MPRIP: variants seen among roughly 807,000 people sequenced by gnomAD.
MPRIP encodes the protein myosin phosphatase Rho-interacting protein.
In MPRIP, 59 loss-of-function variants were observed where a neutral mutation model predicts 234.9. The ratio of observed to expected loss-of-function variants is 0.25; its 90% CI spans 0.20 to 0.31. The LOEUF (loss-of-function observed/expected upper bound fraction) is 0.31, where lower values mean the gene tolerates loss of function less well. Among genes scored for constraint, MPRIP ranks in the 10% least tolerant of loss-of-function variants. MPRIP has a pLI of 1.00. For synonymous variants in MPRIP, 1,144 were observed against 1,263.9 expected (o/e 0.91, Z 2.01); for missense variants, 2,436 against 3,071.0 (o/e 0.79, Z 4.89).
At chr17:17,177,484 G>A (rs79020862) in intron 22 of MPRIP, 72 bp downstream of exon 22, 35 of 1,517,254 alleles carry the variant, frequency 2.3e-5, no homozygotes, top group East Asian at 2.3e-4. Context: ...GAGGTTTCCC[G>A]GTGCTTGACT....
intron 16 of MPRIP, 122 bp downstream of exon 16, chr17:17,168,037 G>C: frequency 1.2e-6 from 1 of 806,952 alleles, no homozygotes; most frequent in Admixed American, 3.0e-5. Flanking sequence ...CCCTCTACTT[G>C]CTAGCCATGG....
Position 17,077,997 on chromosome 17 carries a change from G to A in MPRIP, c.202-14G>A, listed in dbSNP as rs2089374684. On this transcript the variant is annotated splice_polypyrimidine_tract_variant and intron_variant, in intron 2 of 23. Coordinates refer to ENST00000651222, the MANE Select transcript of MPRIP (RefSeq NM_001364716.4). The stretch of plus-strand genomic sequence containing the variant: ...CCAGATCCTCCTAACCACCCACCTT[G>A]TGCTCCGTTGCAGAAATGGCAGCGA... The A allele has an allele frequency of 6.2e-7, 1 of 1,614,054 alleles. No individual in the cohort carries two copies. Among genetic ancestry groups the A allele is most frequent in the South Asian group, 1.1e-5 (1 of 91,078 alleles).
chr17:17,168,778 T>C, intron 16 of MPRIP: 1 of 444,626 alleles, frequency 2.2e-6, no homozygotes, highest in South Asian at 1.6e-5. Context: ...CTAGGATGAC[T>C]AGGCCCCTCA....
At chr17:17,121,317 A>G (rs1296201145) in intron 3 of MPRIP, among the ~76,000 whole-genome samples, 9 of 152,282 alleles carry the variant, frequency 5.9e-5, no homozygotes, top group Non-Finnish European at 1.3e-4. Context: ...AAGCAGTTAT[A>G]ACACAGTGGC....
intron 1 of MPRIP, among the ~76,000 whole-genome samples, chr17:17,053,436 C>A (rs2088601811): frequency 6.6e-6 from 1 of 152,124 alleles, no homozygotes; most frequent in Non-Finnish European, 1.5e-5. Flanking sequence ...TTTGTAAATA[C>A]TGGGTTATAT....
rs1209131112 is a variant in MPRIP, at chr17:17,165,990, G to A, written c.4399G>A (p.Asp1467Asn). The change falls in exon 16 of 24, where the codon GAC becomes AAC. Residue 1467 changes from aspartate to asparagine, a missense_variant. Physicochemically the swap from Asp to Asn is conservative, Grantham distance 23. Transcript: ENST00000651222. ...RVEGHVGELG[D>N]FQVKNSQALM... Reference sequence around the variant, plus strand: ...TGAAGGGCATGTTGGAGAGCTTGGGGACTTCCAGGTCAAGAATAGTCAGGC... The same window carrying A: ...TGAAGGGCATGTTGGAGAGCTTGGGAACTTCCAGGTCAAGAATAGTCAGGC... 5 of 1,304,340 alleles carry A rather than the reference G, an allele frequency of 3.8e-6. No homozygotes were observed. Among genetic ancestry groups the A allele is most frequent in the South Asian group, 2.5e-5 (2 of 81,010 alleles). 80.8% of individuals were successfully genotyped at this position (1,304,340 alleles called of 1,614,324 possible).
chr17:17,083,995 C>T (rs1224578478), intron 3 of MPRIP, among the ~76,000 whole-genome samples: 2 of 152,234 alleles, frequency 1.3e-5, no homozygotes, highest in African/African-American at 4.8e-5. Flanking sequence ...CCCGCCTCGG[C>T]CTCCCAGAGT....
In MPRIP at chr17:17,184,804, C is replaced by A; in HGVS notation, c.7207-19C>A. The A allele has an allele frequency of 1.2e-6, 2 of 1,603,786 alleles. No homozygotes were observed. The highest frequency in any genetic ancestry group is 8.5e-7 in the Non-Finnish European group (1 of 1,171,516). ...CTAACGGTGTGTTTATTTTCTCCTC[C>A]TGCTCTGTCTCTACCCAGAGTCTGA... On this transcript the variant is annotated intron_variant, in intron 23 of 23. Transcript: ENST00000651222.
intron 4 of MPRIP, among the ~76,000 whole-genome samples, chr17:17,128,430 G>A (rs2144402267): frequency 6.6e-6 from 1 of 152,314 alleles, no homozygotes; most frequent in East Asian, 1.9e-4. Context: ...GGCAGCTTAA[G>A]TCCTGCCAGA....
chr17:17,095,601 T>A (rs1450049387), intron 3 of MPRIP, among the ~76,000 whole-genome samples: 1 of 152,128 alleles, frequency 6.6e-6, no homozygotes, highest in Non-Finnish European at 1.5e-5. Flanking sequence ...TTTCCTGCTG[T>A]TAGTCCTTCA....
At chr17:17,120,362 G>A (rs1042911932) in intron 3 of MPRIP, among the ~76,000 whole-genome samples, 5 of 152,136 alleles carry the variant, frequency 3.3e-5, no homozygotes, top group Non-Finnish European at 5.9e-5. Context: ...TGGAGAGGCT[G>A]CTATAGCAGT....
At chr17:17,076,794 T>C (rs976534902) in intron 2 of MPRIP, among the ~76,000 whole-genome samples, 12 of 152,162 alleles carry the variant, frequency 7.9e-5, no homozygotes, top group African/African-American at 2.4e-4. Context: ...TATATCAAGG[T>C]TGTACAAAAT....
At chr17:17,109,669 A>G (rs934822423) in intron 3 of MPRIP, among the ~76,000 whole-genome samples, 1 of 152,204 alleles carries the variant, frequency 6.6e-6, no homozygotes, top group African/African-American at 2.4e-5. Flanking sequence ...CCGCGAAACA[A>G]TGAGCACACC....
chr17:17,089,542 A>G (rs897057777), intron 3 of MPRIP, among the ~76,000 whole-genome samples: 1 of 151,912 alleles, frequency 6.6e-6, no homozygotes, highest in Non-Finnish European at 1.5e-5. Context: ...GTCATAGCTC[A>G]CTGCAGCCTT....
intron 12 of MPRIP, 112 bp downstream of exon 12, chr17:17,150,345 G>A: frequency 1.3e-6 from 1 of 743,916 alleles, no homozygotes; most frequent in Non-Finnish European, 2.3e-6. Flanking sequence ...CAGCGTGTAT[G>A]GTCAGCACTT....
At chr17:17,047,982 G>C (rs767751410) in intron 1 of MPRIP, among the ~76,000 whole-genome samples, 4 of 152,064 alleles carry the variant, frequency 2.6e-5, no homozygotes, top group African/African-American at 9.7e-5. Context: ...AGAGGGGTGG[G>C]CATTAGTGGG....
chr17:17,105,745 T>A (rs1660687135), intron 3 of MPRIP, among the ~76,000 whole-genome samples: 1 of 152,190 alleles, frequency 6.6e-6, no homozygotes, highest in African/African-American at 2.4e-5. Context: ...GGGGGTCTGA[T>A]TTGGGCCCTA....
At chr17:17,115,429 T>G (rs1320397496) in intron 3 of MPRIP, among the ~76,000 whole-genome samples, 1 of 152,196 alleles carries the variant, frequency 6.6e-6, no homozygotes, top group African/African-American at 2.4e-5. Flanking sequence ...CTTCCAGGCC[T>G]GGGTTGGCAG....
At chr17:17,171,471 T>G (rs2046133206) in intron 16 of MPRIP, 2 of 482,856 alleles carry the variant, frequency 4.1e-6, no homozygotes, top group Non-Finnish European at 7.3e-6. Flanking sequence ...TGGGGCACAG[T>G]ACAGTCACAG....
Sources: gnomAD v4.1 joint callset for allele counts (sites outside exome capture counted in the v4.1 genomes callset) on GRCh38, gnomAD v4.1.1 for gene constraint, MANE v1.5 for transcripts, NCBI Gene and HGNC (gene_info 2026-07-23, HGNC 2026-07-21) for gene names.